Variants in EDA2R observed in about 807,000 individuals in gnomAD.
The protein encoded by EDA2R is tumor necrosis factor receptor superfamily member 27.
In EDA2R, 26 loss-of-function variants were observed where a neutral mutation model predicts 20.1. The ratio of observed to expected loss-of-function variants is 1.30; its 90% CI spans 0.95 to 1.80. The LOEUF is 1.80. EDA2R is among the 40% of genes most tolerant of loss of function. The pLI, the probability that EDA2R is intolerant of heterozygous loss-of-function variation, is 0.00. For missense variants in EDA2R, 277 were observed against 228.7 expected (o/e 1.21, Z -1.36); for synonymous variants, 114 against 88.7 (o/e 1.29, Z -1.60).
At chrX:66,635,972 C>T (rs1934281155) in intron 1 of EDA2R, among the ~76,000 whole-genome samples, 1 of 110,980 alleles carries the variant, frequency 9.0e-6, no homozygotes, top group Non-Finnish European at 1.9e-5. Flanking sequence ...ATGATCATAG[C>T]TCACTGCAGC....
chrX:66,596,360 C>T lies in EDA2R; in HGVS notation c.*1744G>A, dbSNP rs1927445169. 1 of 111,121 alleles carries T rather than the reference C, an allele frequency of 9.0e-6. No homozygotes were observed. The highest frequency in any genetic ancestry group is 3.8e-4 in the South Asian group (1 of 2,624). 9.2% of individuals were successfully genotyped at this position (111,121 alleles called of 1,213,427 possible). A position where few individuals can be genotyped will look rare whatever the true frequency, so the allele number is the denominator to read the frequency against. ...ACGAAAATCCTTCACTTCACCTTTA[C>T]CCGAAATACTTTAAAATGCAAAGCC... On this transcript the variant is annotated 3_prime_UTR_variant, in exon 7 of 7. Coordinates refer to ENST00000374719, the MANE Select transcript of EDA2R (RefSeq NM_021783.5).
intron 2 of EDA2R, among the ~76,000 whole-genome samples, chrX:66,608,707 A>AT (rs775223952): frequency 8.9e-6 from 1 of 112,220 alleles, no homozygotes; most frequent in Admixed American, 9.4e-5. Context: ...TGAACAGACA[A>AT]TGGAGAGTAA....
chrX:66,607,742 G>T (rs1464345453), intron 2 of EDA2R, among the ~76,000 whole-genome samples: 1 of 111,792 alleles, frequency 8.9e-6, no homozygotes, highest in African/African-American at 3.3e-5. Flanking sequence ...AGGAAGAGGG[G>T]AAATCTGACT....
rs1927359734 is a variant in EDA2R, at chrX:66,595,943, G to A, written c.*2161C>T. 9.2e-6 allele frequency: 1 copy of A among 108,606 alleles called. No homozygotes were observed. Among genetic ancestry groups the A allele is most frequent in the South Asian group, 4.1e-4 (1 of 2,459 alleles). The allele number at this position is 108,606 out of a possible 1,213,427, so 9.0% of individuals were successfully genotyped here. A position where few individuals can be genotyped will look rare whatever the true frequency, so the allele number is the denominator to read the frequency against. ...CTGAATCCTTTCCTAACCTGGATCT[G>A]AGAATCTTGGAGGAAAAAATTATTT... On this transcript the variant is annotated 3_prime_UTR_variant, in exon 7 of 7. Coordinates refer to ENST00000374719, the MANE Select transcript of EDA2R (RefSeq NM_021783.5).
At chrX:66,626,695 C>T (rs1334832192) in intron 1 of EDA2R, among the ~76,000 whole-genome samples, 2 of 107,326 alleles carry the variant, frequency 1.9e-5, no homozygotes, top group Non-Finnish European at 3.8e-5. Flanking sequence ...CAAAAAAAAT[C>T]ATTGCCTAGG....
Position 66,630,053 on chromosome X carries a change from T to C in EDA2R, c.-11+8942A>G, listed in dbSNP as rs779196847. ...ATAACCCCAAATACTTGCAGCCAAC[T>C]GATCTTTGACAAAGCAAACAAAAAC... On this transcript the variant is annotated intron_variant, in intron 1 of 6. Coordinates refer to ENST00000374719, the MANE Select transcript of EDA2R (RefSeq NM_021783.5). Among the ~76,000 whole-genome samples, 7 of 111,376 alleles carry C rather than the reference T, an allele frequency of 6.3e-5. No individual in the cohort carries two copies. The South Asian group carries it at 1.1e-3, about 18-fold the overall frequency.
At chrX:66,624,484 A>G in intron 1 of EDA2R, among the ~76,000 whole-genome samples, 1 of 111,854 alleles carries the variant, frequency 8.9e-6, no homozygotes. Flanking sequence ...GTGCCACTGC[A>G]CTCCAGCCTG....
At chrX:66,632,049 G>A (rs1028124780) in intron 1 of EDA2R, among the ~76,000 whole-genome samples, 9 of 111,450 alleles carry the variant, frequency 8.1e-5, no homozygotes, top group East Asian at 2.8e-4. Flanking sequence ...AAAATCCTAC[G>A]CTCTAGATTA....
intron 1 of EDA2R, among the ~76,000 whole-genome samples, chrX:66,630,727 C>G (rs1449336169): frequency 1.8e-5 from 2 of 109,347 alleles, no homozygotes; most frequent in Non-Finnish European, 3.8e-5. Context: ...ACAGGCAACA[C>G]TTCTACACTG....
chrX:66,620,195 G>A (rs977912065), intron 1 of EDA2R, among the ~76,000 whole-genome samples: 3 of 112,046 alleles, frequency 2.7e-5, no homozygotes, highest in Non-Finnish European at 3.8e-5. Context: ...AATTACTATT[G>A]TTGTGTAGTA....
intron 1 of EDA2R, among the ~76,000 whole-genome samples, chrX:66,637,644 C>A (rs967380177): frequency 8.9e-6 from 1 of 112,597 alleles, no homozygotes; most frequent in Non-Finnish European, 1.9e-5. Context: ...CCTATTTTCT[C>A]TGCTTAAACT....
intron 5 of EDA2R, chrX:66,600,085 A>G: frequency 8.6e-7 from 1 of 1,156,669 alleles, no homozygotes; most frequent in African/African-American, 1.8e-5. Flanking sequence ...CAGAGAAAAT[A>G]ATCAATTTCT....
At chrX:66,623,264 G>T (rs1194295947) in intron 1 of EDA2R, among the ~76,000 whole-genome samples, 1 of 112,093 alleles carries the variant, frequency 8.9e-6, no homozygotes, top group Admixed American at 9.4e-5. Flanking sequence ...AGAAAAAAAG[G>T]TTTTTCTGTA....
chrX:66,636,489 T>A (rs923702527), intron 1 of EDA2R, among the ~76,000 whole-genome samples: 1 of 110,776 alleles, frequency 9.0e-6, no homozygotes, highest in Admixed American at 9.7e-5. Flanking sequence ...CTAGGTGGCC[T>A]CAGGGAGAAT....
chrX:66,612,476 T>C (rs777373286), intron 2 of EDA2R, among the ~76,000 whole-genome samples: 4 of 107,126 alleles, frequency 3.7e-5, no homozygotes, highest in Non-Finnish European at 5.9e-5. Context: ...CCAGCTGACA[T>C]TGAAAAAGTA....
At chrX:66,599,216 C>T (rs1043390904) in intron 6 of EDA2R, among the ~76,000 whole-genome samples, 12 of 111,215 alleles carry the variant, frequency 1.1e-4, no homozygotes, top group East Asian at 5.7e-4. Flanking sequence ...AGAGAGCTTA[C>T]GAAAGACCAG....
intron 1 of EDA2R, among the ~76,000 whole-genome samples, chrX:66,624,435 C>T (rs762058304): frequency 5.4e-5 from 6 of 111,958 alleles, no homozygotes; most frequent in African/African-American, 1.9e-4. Context: ...ACAAGAATTG[C>T]TTGAACCCAG....
chrX:66,606,220 G>T (rs982885434), intron 2 of EDA2R, among the ~76,000 whole-genome samples: 1 of 112,231 alleles, frequency 8.9e-6, no homozygotes, highest in East Asian at 2.8e-4. Context: ...AGTTGTAGCA[G>T]AAGCTGGCTG....
intron 1 of EDA2R, among the ~76,000 whole-genome samples, chrX:66,627,633 C>T (rs763331131): frequency 9.0e-6 from 1 of 111,694 alleles, no homozygotes; most frequent in East Asian, 2.8e-4. Flanking sequence ...ATTTATAAAA[C>T]AATTACTAAC....
Sources: allele counts gnomAD v4.1 joint callset (sites outside exome capture counted in the v4.1 genomes callset), GRCh38; gene constraint gnomAD v4.1.1; transcripts MANE v1.5; gene names NCBI Gene and HGNC (gene_info 2026-07-23, HGNC 2026-07-21).